The following FAM186B variants were observed in gnomAD, a reference collection of about 807,000 sequenced individuals.
The protein encoded by FAM186B is family with sequence similarity 186 member B.
FAM186B carries 68 observed loss-of-function variants against 83.4 expected under a neutral mutation model. The observed-to-expected ratio is 0.81, with a 90% CI of 0.67 to 1.00. The LOEUF (loss-of-function observed/expected upper bound fraction) is 1.00. Among genes scored for constraint, FAM186B ranks in the 50% least tolerant of loss-of-function variants. The pLI, the probability that FAM186B is intolerant of heterozygous loss-of-function variation, is 0.00. For synonymous variants in FAM186B, 389 were observed against 422.0 expected (o/e 0.92, Z 0.96); for missense variants, 983 against 1,099.2 (o/e 0.89, Z 1.49).
rs567933765 is a variant in FAM186B, at chr12:49,590,015, A to T, written c.2365-1392T>A. On this transcript the variant is annotated intron_variant, in intron 5 of 6. Coordinates refer to ENST00000257894, the MANE Select transcript of FAM186B (RefSeq NM_032130.3). ...AAAAAAAAAAAAGTCAAAAGAGGAG[A>T]ATATAGGAGTCTTTTATTCCATTAT... 5.3e-5 allele frequency among the ~76,000 whole-genome samples: 8 copies of T among 150,086 alleles called. No individual in the cohort carries two copies. In the South Asian group the frequency reaches 1.7e-3, roughly 32 times the overall value.
chr12:49,614,567 G>A, the FAM186B span, among the ~76,000 whole-genome samples: 1 of 152,152 alleles, frequency 6.6e-6, no homozygotes, highest in South Asian at 2.1e-4. Flanking sequence ...AAAGACACTG[G>A]GGAGTACGGG....
chr12:49,606,486 GACACACACACACAC>G (rs57458344), upstream of FAM186B, among the ~76,000 whole-genome samples: 8 of 136,090 alleles, frequency 5.9e-5, no homozygotes, highest in South Asian at 2.5e-4. Context: ...TAGATACCCT[GACACACACACACAC>G]ACACACACAC....
chr12:49,619,518 T>C, the FAM186B span: 3 of 701,796 alleles, frequency 4.3e-6, no homozygotes, highest in Non-Finnish European at 8.0e-6. Context: ...CTGATCCACA[T>C]GTGTGTGGCA....
At chr12:49,621,832 G>A in the FAM186B span, among the ~76,000 whole-genome samples, 1 of 152,188 alleles carries the variant, frequency 6.6e-6, no homozygotes, top group South Asian at 2.1e-4. Flanking sequence ...TGCCCTGTGG[G>A]GAGGGCTGCA....
At chr12:49,608,511 A>G (rs1940056224), upstream of FAM186B, among the ~76,000 whole-genome samples, 1 of 151,616 alleles carries the variant, frequency 6.6e-6, no homozygotes, top group South Asian at 2.1e-4. Flanking sequence ...AAAAAAACCA[A>G]AAACCTTTTT....
chr12:49,606,846 C>A (rs1227519760), upstream of FAM186B, among the ~76,000 whole-genome samples: 1 of 152,112 alleles, frequency 6.6e-6, no homozygotes, highest in Non-Finnish European at 1.5e-5. Flanking sequence ...GCATATGGAA[C>A]AATGATCATA....
At chr12:49,613,805 C>T in the FAM186B span, among the ~76,000 whole-genome samples, 2 of 151,804 alleles carry the variant, frequency 1.3e-5, no homozygotes, top group Non-Finnish European at 2.9e-5. Context: ...CACCACTGCA[C>T]TCCAGCCTGG....
chr12:49,614,016 A>G, the FAM186B span, among the ~76,000 whole-genome samples: 1 of 150,466 alleles, frequency 6.6e-6, no homozygotes. Flanking sequence ...CAGGCATGGC[A>G]GCGGGTGGCT....
At position 49,600,169 on chromosome 12, in the gene FAM186B, G is replaced by C. The variant is rs543736560; in HGVS notation, c.1471C>G (p.Gln491Glu). Residue 491 changes from glutamine (Q) to glutamate (E), a missense_variant, in exon 4 of 7, where the codon CAG (glutamine) becomes GAG (glutamate). Coordinates refer to ENST00000257894, the MANE Select transcript of FAM186B (RefSeq NM_032130.3). The surrounding 1 kb of genome is among the most constrained non-coding windows in gnomAD (Gnocchi z 4.3). ...EEEFGREMRRQLWLEEEEMWQ... is the reference protein window; with the variant it reads ...EEEFGREMRRELWLEEEEMWQ... ...ATCTCCTCCTCCTCCAGCCACAGCT[G>C]CCTCCGCATCTCCCGGCCGAATTCC... is the stretch of plus-strand genomic sequence containing the variant. 1 of 1,613,610 alleles carries C rather than the reference G, an allele frequency of 6.2e-7. No individual in the cohort carries two copies. Among genetic ancestry groups the C allele is most frequent in the African/African-American group, 1.3e-5 (1 of 75,022 alleles).
chr12:49,608,345 G>A (rs1053803540), upstream of FAM186B, among the ~76,000 whole-genome samples: 1 of 151,346 alleles, frequency 6.6e-6, no homozygotes, highest in Non-Finnish European at 1.5e-5. Context: ...ATAAAAATTA[G>A]CTGGGTGTGG....
In FAM186B at chr12:49,600,747, T is replaced by C; in HGVS notation, c.893A>G (p.Glu298Gly). ...GTCATGGTACCTTCCCCCTAAGATC[T>C]CTACCTGCTTCAGCAGAGCATCCCT... ...SRRDALLKQV[E>G]ILGGRYHDLL... is the part of the protein sequence containing the mutation. The change falls in exon 4 of 7, where the codon GAG becomes GGG. Residue 298 changes from glutamate (E) to glycine (G), a missense_variant. Transcript: ENST00000257894. The surrounding 1 kb of genome is among the most constrained non-coding windows in gnomAD (Gnocchi z 4.3). 6.2e-7 allele frequency: 1 copy of C among 1,614,066 alleles called. No individual in the cohort carries two copies. Among genetic ancestry groups the C allele is most frequent in the Non-Finnish European group, 8.5e-7 (1 of 1,179,940 alleles).
upstream of FAM186B, among the ~76,000 whole-genome samples, chr12:49,609,400 C>T (rs1592559869): frequency 6.6e-6 from 1 of 152,216 alleles, no homozygotes; most frequent in South Asian, 2.1e-4. Flanking sequence ...TCACTCTGCT[C>T]CACACCCAGG....
chr12:49,606,346 A>G (rs1016885109), upstream of FAM186B, among the ~76,000 whole-genome samples: 1 of 151,320 alleles, frequency 6.6e-6, no homozygotes, highest in Non-Finnish European at 1.5e-5. Flanking sequence ...AATTTAAAAA[A>G]TAGCCAGGCA....
At chr12:49,613,680 A>T in the FAM186B span, among the ~76,000 whole-genome samples, 1 of 151,820 alleles carries the variant, frequency 6.6e-6, no homozygotes, top group African/African-American at 2.4e-5. Flanking sequence ...CTCTACAAAA[A>T]ATACAAAACT....
At chr12:49,587,025 G>C (rs866900606), downstream of FAM186B, among the ~76,000 whole-genome samples, 6 of 152,216 alleles carry the variant, frequency 3.9e-5, no homozygotes, top group African/African-American at 1.4e-4. Context: ...CTCATGTAGA[G>C]AGGGTCCTTA....
rs761068720 is a variant in FAM186B, at chr12:49,600,863, G to A, written c.777C>T (p.Thr259=). 2 of 1,613,584 alleles carry A rather than the reference G, an allele frequency of 1.2e-6. No homozygotes were observed. Among genetic ancestry groups the A allele is most frequent in the South Asian group, 2.2e-5 (2 of 91,002 alleles). The change falls in exon 4 of 7, where the codon ACC becomes ACT. Residue 259 remains threonine, a synonymous_variant. Transcript: ENST00000257894. This position sits in a 1 kb window ranked among gnomAD's most constrained non-coding sequence, Gnocchi z 4.3. The part of the protein sequence containing the change: ...LQHKENRSLE[T]KYRHLQMQAT... The stretch of plus-strand genomic sequence containing the variant: ...CCTGCATTTGCAGGTGCCTGTATTT[G>A]GTCTCCAGGCTCCTGTTCTCCTTGT...
At chr12:49,620,160 C>T in the FAM186B span, among the ~76,000 whole-genome samples, 2 of 152,104 alleles carry the variant, frequency 1.3e-5, no homozygotes. Context: ...ACAAAAGAAA[C>T]ATGTCACCTA....
chr12:49,600,752 C>G lies in FAM186B; in HGVS notation c.888G>C (p.Gln296His). The G allele has an allele frequency of 6.2e-7, 1 of 1,614,076 alleles. No individual in the cohort carries two copies. Among genetic ancestry groups the G allele is most frequent in the Non-Finnish European group, 8.5e-7 (1 of 1,179,934 alleles). The stretch of plus-strand genomic sequence containing the variant: ...GGTACCTTCCCCCTAAGATCTCTAC[C>G]TGCTTCAGCAGAGCATCCCTCCTGC... ...LESRRDALLK[Q>H]VEILGGRYHD... is the part of the protein sequence containing the mutation. The change falls in exon 4 of 7, where the codon CAG becomes CAC. Residue 296 changes from glutamine (Q) to histidine (H), a missense_variant. Gln to His is a conservative substitution (Grantham distance 24). Coordinates refer to ENST00000257894, the MANE Select transcript of FAM186B (RefSeq NM_032130.3). This position sits in a 1 kb window ranked among gnomAD's most constrained non-coding sequence, Gnocchi z 4.3.
intron 2 of FAM186B, 133 bp from the exon 3 acceptor site, chr12:49,603,500 G>T: frequency 1.2e-6 from 1 of 825,834 alleles, no homozygotes; most frequent in Non-Finnish European, 1.9e-6. Context: ...TGTGATGTTG[G>T]GCAAGTCACT....
Sources: allele counts gnomAD v4.1 joint callset (sites outside exome capture counted in the v4.1 genomes callset), GRCh38; gene constraint gnomAD v4.1.1; non-coding constraint Gnocchi (gnomAD v3.1); transcripts MANE v1.5; gene names NCBI Gene and HGNC (gene_info 2026-07-23, HGNC 2026-07-21).